CCSER1: variants seen among roughly 807,000 people sequenced by gnomAD.
CCSER1 encodes the protein serine-rich coiled-coil domain-containing protein 1.
A neutral mutation model predicts 82.0 loss-of-function variants in CCSER1; 41 were observed. The observed-to-expected ratio is 0.50, with a 90% CI of 0.39 to 0.65. The LOEUF is 0.65. CCSER1 is among the 30% of genes least tolerant of loss of function. The probability of loss-of-function intolerance (pLI) is 0.00; values close to 1 mark genes in which losing one functional copy is unlikely to be tolerated. For synonymous variants in CCSER1, 414 were observed against 383.9 expected (o/e 1.08, Z -0.92); for missense variants, 1,119 against 1,064.2 (o/e 1.05, Z -0.72).
At chr4:90,426,987 A>G (rs1458553678) in intron 4 of CCSER1, among the ~76,000 whole-genome samples, 1 of 150,148 alleles carries the variant, frequency 6.7e-6, no homozygotes, top group African/African-American at 2.4e-5. Context: ...TAAGAAAATG[A>G]TATATCTGCA....
chr4:90,672,751 C>T (rs1306397939), intron 6 of CCSER1, among the ~76,000 whole-genome samples: 2 of 151,934 alleles, frequency 1.3e-5, no homozygotes, highest in East Asian at 1.9e-4. Flanking sequence ...TGTAACTCTT[C>T]CTTTCACTTG....
At chr4:91,319,345 C>A (rs184976227) in intron 10 of CCSER1, among the ~76,000 whole-genome samples, 3 of 152,066 alleles carry the variant, frequency 2.0e-5, no homozygotes, top group Admixed American at 2.0e-4. Flanking sequence ...ATTGACTTCC[C>A]GGATTTGGTG....
At chr4:90,238,353 C>T (rs1322865569) in intron 1 of CCSER1, among the ~76,000 whole-genome samples, 1 of 152,066 alleles carries the variant, frequency 6.6e-6, no homozygotes, top group Non-Finnish European at 1.5e-5. Flanking sequence ...CACATGATTC[C>T]TTTAGATTAC....
In CCSER1 at chr4:91,572,826, G is replaced by A. The variant is rs868075815; in HGVS notation, c.2218-25746G>A. ...AAAATCTATAAAAAAAAAAAAAAAA[G>A]AAGAAGCCTGTCCATTTCTTGGTAG... On this transcript the variant is annotated intron_variant, in intron 10 of 10. Transcript: ENST00000509176. Among the ~76,000 whole-genome samples, 557 of 147,568 alleles carry A rather than the reference G, an allele frequency of 3.8e-3. 2 individuals are homozygous for A. Among genetic ancestry groups the A allele is most frequent in the African/African-American group, 0.013 (516 of 40,258 alleles).
chr4:91,266,892 A>T (rs1179033073), intron 10 of CCSER1, among the ~76,000 whole-genome samples: 2 of 152,082 alleles, frequency 1.3e-5, no homozygotes, highest in Non-Finnish European at 2.9e-5. Flanking sequence ...CTTTTGAACC[A>T]TTTCACTTTC....
chr4:90,521,175 A>G (rs1773072701), intron 5 of CCSER1, among the ~76,000 whole-genome samples: 1 of 149,010 alleles, frequency 6.7e-6, no homozygotes, highest in Non-Finnish European at 1.5e-5. Flanking sequence ...TAAGTTCCCA[A>G]TCTATACTAT....
intron 5 of CCSER1, among the ~76,000 whole-genome samples, chr4:90,530,946 A>G (rs1344368924): frequency 6.6e-6 from 1 of 152,204 alleles, no homozygotes; most frequent in East Asian, 1.9e-4. Flanking sequence ...AAAAATTAAA[A>G]TACTGTCAGA....
chr4:91,022,885 A>G (rs1276175192), intron 9 of CCSER1, among the ~76,000 whole-genome samples: 1 of 151,976 alleles, frequency 6.6e-6, no homozygotes, highest in Non-Finnish European at 1.5e-5. Context: ...AATTTGTTTG[A>G]GTTCATTGTA....
At chr4:90,389,151 T>C (rs1750569682) in intron 3 of CCSER1, among the ~76,000 whole-genome samples, 1 of 152,174 alleles carries the variant, frequency 6.6e-6, no homozygotes, top group Admixed American at 6.5e-5. Flanking sequence ...CAAGTTAATG[T>C]ATTAGGTTCT....
chr4:90,532,899 T>A (rs1774764016), intron 5 of CCSER1, among the ~76,000 whole-genome samples: 3 of 152,094 alleles, frequency 2.0e-5, no homozygotes, highest in South Asian at 4.1e-4. Context: ...TCTTACTGTT[T>A]CTGTTCAGGT....
intron 1 of CCSER1, among the ~76,000 whole-genome samples, chr4:90,223,577 C>T (rs955606328): frequency 2.6e-5 from 4 of 152,070 alleles, no homozygotes; most frequent in Admixed American, 6.6e-5. Context: ...AAGGGTGTCC[C>T]AAGTGAGAGA....
At chr4:90,688,243 C>T (rs935355652) in intron 6 of CCSER1, among the ~76,000 whole-genome samples, 3 of 152,020 alleles carry the variant, frequency 2.0e-5, no homozygotes, top group Non-Finnish European at 4.4e-5. Flanking sequence ...TGTCAATACC[C>T]ATTTCATACC....
intron 10 of CCSER1, among the ~76,000 whole-genome samples, chr4:91,311,756 A>G (rs1745497666): frequency 6.6e-6 from 1 of 151,966 alleles, no homozygotes; most frequent in South Asian, 2.1e-4. Flanking sequence ...CATATTTGCA[A>G]TACCATATAG....
intron 10 of CCSER1, among the ~76,000 whole-genome samples, chr4:91,232,716 A>ATG (rs1738717593): frequency 6.6e-6 from 1 of 151,846 alleles, no homozygotes; most frequent in Non-Finnish European, 1.5e-5. Context: ...TACTTGTATA[A>ATG]AGACAAAATT....
intron 4 of CCSER1, among the ~76,000 whole-genome samples, chr4:90,438,611 C>A (rs1759393484): frequency 6.6e-6 from 1 of 152,122 alleles, no homozygotes; most frequent in Non-Finnish European, 1.5e-5. Context: ...ACTTGTGAAA[C>A]TGTTTTACTG....
At chr4:91,385,236 G>A (rs992150905) in intron 10 of CCSER1, among the ~76,000 whole-genome samples, 1 of 151,912 alleles carries the variant, frequency 6.6e-6, no homozygotes, top group Non-Finnish European at 1.5e-5. Context: ...TTAAGCATCT[G>A]TAAAAAGAAT....
intron 9 of CCSER1, among the ~76,000 whole-genome samples, chr4:91,025,160 TA>T (rs1740378258): frequency 6.6e-6 from 1 of 152,154 alleles, no homozygotes; most frequent in Admixed American, 6.6e-5. Flanking sequence ...TAGACTCAAA[TA>T]TTTTTCAGAA....
chr4:90,948,409 CAG>C (rs1732515347), intron 9 of CCSER1, among the ~76,000 whole-genome samples: 1 of 151,678 alleles, frequency 6.6e-6, no homozygotes, highest in African/African-American at 2.4e-5. Flanking sequence ...GAACATTAAT[CAG>C]AGTTTTAGAG....
intron 10 of CCSER1, among the ~76,000 whole-genome samples, chr4:91,207,828 C>T (rs1272831245): frequency 2.0e-5 from 3 of 151,932 alleles, no homozygotes; most frequent in African/African-American, 4.8e-5. Flanking sequence ...AATGGTTGAA[C>T]TAATTTCCAC....
Sources: allele counts gnomAD v4.1 joint callset (sites outside exome capture counted in the v4.1 genomes callset), GRCh38; gene constraint gnomAD v4.1.1; transcripts MANE v1.5; gene names NCBI Gene and HGNC (gene_info 2026-07-23, HGNC 2026-07-21).